Variants in CUX1 observed in about 807,000 individuals in gnomAD.
CUX1 encodes protein CASP.
A neutral mutation model predicts 158.8 loss-of-function variants in CUX1; 31 were observed. That is an observed-to-expected ratio of 0.20 (90% CI 0.15 to 0.26). The LOEUF (loss-of-function observed/expected upper bound fraction) is 0.26, where lower values mean the gene tolerates loss of function less well. Among genes scored for constraint, CUX1 ranks in the 10% least tolerant of loss-of-function variants. The pLI is 1.00. For missense variants in CUX1, 1,589 were observed against 2,014.6 expected (o/e 0.79, Z 4.04); for synonymous variants, 879 against 862.1 (o/e 1.02, Z -0.34).
chr7:102,277,947 A>G lies in CUX1; in HGVS notation c.1564-2A>G. ...CCCCTTTCCTTGCCCCTCCCCCCCC[A>G]GGAGAACCGCCTGGCCCAGCACACC... On this transcript the variant is annotated splice_acceptor_variant, in intron 17 of 22. Transcript: ENST00000292538. LOFTEE classifies it high-confidence loss of function. 1 of 463,182 alleles carries G rather than the reference A, an allele frequency of 2.2e-6. No individual in the cohort carries two copies. 28.7% of individuals were successfully genotyped at this position (463,182 alleles called of 1,614,324 possible). A position where few individuals can be genotyped will look rare whatever the true frequency, so the allele number is the denominator to read the frequency against.
At chr7:102,246,286 T>C (rs1554536874) in intron 23 of CUX1, among the ~76,000 whole-genome samples, 1 of 152,174 alleles carries the variant, frequency 6.6e-6, no homozygotes, top group African/African-American at 2.4e-5. Flanking sequence ...AGCCACCATT[T>C]CCTGGGCTCC....
In CUX1 at chr7:102,104,424, A is replaced by G. The variant is rs1554487749; in HGVS notation, c.495A>G (p.Glu165=). ...NQAETIALEK[E]QKLQNDFAEK... is the part of the protein sequence containing the mutation. ...CCGAAACCATAGCTCTTGAGAAGGAACAGAAGTTACAGAATGACTTTGCAG... is the reference window on the plus strand; with the variant it reads ...CCGAAACCATAGCTCTTGAGAAGGAGCAGAAGTTACAGAATGACTTTGCAG... Residue 165 remains glutamate (E), a synonymous_variant, in exon 6 of 24, where the codon GAA becomes GAG. Coordinates refer to ENST00000292535, the MANE Select transcript of CUX1 (RefSeq NM_181552.4). 1 of 1,613,392 alleles carries G rather than the reference A, an allele frequency of 6.2e-7. No homozygotes were observed. Among genetic ancestry groups the G allele is most frequent in the East Asian group, 2.2e-5 (1 of 44,872 alleles).
At chr7:101,830,070 G>C (rs1200270587) in intron 1 of CUX1, among the ~76,000 whole-genome samples, 1 of 152,198 alleles carries the variant, frequency 6.6e-6, no homozygotes, top group Non-Finnish European at 1.5e-5. Context: ...CCTCTGAGAT[G>C]CTGGGGCTAT....
chr7:101,820,284 G>A (rs1431264427), intron 1 of CUX1, among the ~76,000 whole-genome samples: 1 of 152,106 alleles, frequency 6.6e-6, no homozygotes, highest in Non-Finnish European at 1.5e-5. Context: ...GTTTGTTAGG[G>A]GAAAACTCAT....
At chr7:101,870,144 GTTTTTTTTGT>G (rs1333486957) in intron 1 of CUX1, among the ~76,000 whole-genome samples, 1 of 111,206 alleles carries the variant, frequency 9.0e-6, no homozygotes, top group African/African-American at 3.7e-5. Flanking sequence ...GATGTTTAGT[GTTTTTTTTGT>G]TTTTTTTTTT....
chr7:101,958,687 C>G (rs1309095551), intron 2 of CUX1, among the ~76,000 whole-genome samples: 2 of 151,346 alleles, frequency 1.3e-5, no homozygotes, highest in Non-Finnish European at 1.5e-5. Flanking sequence ...ACCATGTTGG[C>G]CAGGCTGGTC....
chr7:101,884,031 C>T (rs1799980266), intron 1 of CUX1, among the ~76,000 whole-genome samples: 1 of 151,970 alleles, frequency 6.6e-6, no homozygotes, highest in Non-Finnish European at 1.5e-5. Flanking sequence ...GTAGCTGGGA[C>T]AGCAGGTACA....
At chr7:102,175,052 T>G (rs1432478754) in intron 10 of CUX1, among the ~76,000 whole-genome samples, 2 of 152,250 alleles carry the variant, frequency 1.3e-5, no homozygotes, top group African/African-American at 2.4e-5. Flanking sequence ...ATTTAGTTCG[T>G]GCGAGACAGC....
intron 2 of CUX1, among the ~76,000 whole-genome samples, chr7:102,004,045 C>G (rs1454407708): frequency 1.3e-5 from 2 of 152,138 alleles, no homozygotes; most frequent in African/African-American, 4.8e-5. Flanking sequence ...CTAAAAAATA[C>G]AGCTTAACTT....
chr7:102,255,272 C>T lies in CUX1; in HGVS notation c.*6230C>T, dbSNP rs1453339282. 5.1e-6 allele frequency: 5 copies of T among 985,176 alleles called. No individual in the cohort carries two copies. Among genetic ancestry groups the T allele is most frequent in the East Asian group, 1.1e-4 (1 of 8,800 alleles). The allele number at this position is 985,176 out of a possible 1,614,324, so 61.0% of individuals were successfully genotyped here. ...GTCCATGCCATCCGTGGCATCATCT[C>T]GAGTTTTCATTTTTGGATGAAGTGA... On this transcript the variant is annotated 3_prime_UTR_variant, in exon 24 of 24. Transcript: ENST00000292535.
chr7:101,905,335 T>C (rs1277138936), intron 1 of CUX1, among the ~76,000 whole-genome samples: 1 of 152,198 alleles, frequency 6.6e-6, no homozygotes. Context: ...CATTGCTGCC[T>C]CTCTGCCCTC....
rs540659349 is a variant in CUX1, at chr7:102,114,408, C to T, written c.608-799C>T. Among the ~76,000 whole-genome samples, 495 of 152,218 alleles carry T rather than the reference C, an allele frequency of 3.3e-3. 1 individual carries two copies. The highest frequency in any genetic ancestry group is 5.7e-3 in the Non-Finnish European group (391 of 68,020). On this transcript the variant is annotated intron_variant, in intron 7 of 23. Transcript: ENST00000292535. Reference sequence around the variant, plus strand: ...CTCCTGCCTTATCCTCCCAAGTAGCCGGGATTACAGGCTATGCGCCACCAT... The same window carrying T: ...CTCCTGCCTTATCCTCCCAAGTAGCTGGGATTACAGGCTATGCGCCACCAT...
At chr7:102,259,636 G>A (rs1303371872), downstream of CUX1, among the ~76,000 whole-genome samples, 1 of 151,682 alleles carries the variant, frequency 6.6e-6, no homozygotes, top group Non-Finnish European at 1.5e-5. Context: ...TGCCAGTTTG[G>A]TATTTGACAG....
At chr7:102,127,917 G>A (rs201521) in intron 8 of CUX1, among the ~76,000 whole-genome samples, 79,481 of 151,998 alleles carry the variant, frequency 0.52, 21,389 homozygotes, top group Middle Eastern at 0.66. Context: ...GCATGATCTC[G>A]GCTCACTGCA....
At chr7:101,909,754 C>G (rs1803206379) in intron 1 of CUX1, among the ~76,000 whole-genome samples, 1 of 152,182 alleles carries the variant, frequency 6.6e-6, no homozygotes, top group African/African-American at 2.4e-5. Context: ...TATGTTTTTC[C>G]CACCAGCCCA....
At chr7:101,985,842 G>C (rs1449824339) in intron 2 of CUX1, among the ~76,000 whole-genome samples, 1 of 152,210 alleles carries the variant, frequency 6.6e-6, no homozygotes, top group Admixed American at 6.5e-5. Flanking sequence ...CGTTACAAAA[G>C]CTTCCTTGTT....
chr7:101,984,135 CA>C (rs1813944768), intron 2 of CUX1, among the ~76,000 whole-genome samples: 1 of 63,364 alleles, frequency 1.6e-5, no homozygotes, highest in African/African-American at 5.8e-5. Context: ...TATATACACA[CA>C]CACATATATA....
chr7:101,990,870 T>C (rs1168967004), intron 2 of CUX1, among the ~76,000 whole-genome samples: 5 of 152,202 alleles, frequency 3.3e-5, no homozygotes, highest in African/African-American at 1.2e-4. Flanking sequence ...CTGAGCCCTT[T>C]GCACCTGCAA....
At position 102,280,824 on chromosome 7, in the gene CUX1, G is replaced by T. The variant is rs531741962; in HGVS notation, c.1785G>T (p.Leu595=). The T allele has an allele frequency of 2.1e-5, 34 of 1,613,052 alleles. No individual in the cohort carries two copies. In the East Asian group the frequency reaches 7.6e-4, roughly 36 times the overall value. Residue 595 remains leucine (L), a synonymous_variant, in exon 20 of 23, where the codon CTG becomes CTT. Transcript: ENST00000292538. ...TGCAGGAGCGGCAGAGGAAGTACCT[G>T]AGCTTGAGTCCCTGGGACAAGGCCA...
Sources: gnomAD v4.1 joint callset for allele counts (sites outside exome capture counted in the v4.1 genomes callset) on GRCh38, gnomAD v4.1.1 for gene constraint, MANE v1.5 for transcripts, NCBI Gene and HGNC (gene_info 2026-07-23, HGNC 2026-07-21) for gene names.